Variants in RAD18 observed in about 807,000 individuals in gnomAD.
RAD18 encodes E3 ubiquitin-protein ligase RAD18.
In RAD18, 47 loss-of-function variants were observed where a neutral mutation model predicts 60.4. The ratio of observed to expected loss-of-function variants is 0.78; its 90% CI spans 0.62 to 0.99. The LOEUF (loss-of-function observed/expected upper bound fraction) is 0.99, where lower values mean the gene tolerates loss of function less well. Ranked by LOEUF, RAD18 falls within the 50% of genes least tolerant of loss-of-function variation. The pLI is 0.00. For missense variants in RAD18, 640 were observed against 593.3 expected, an observed-to-expected ratio of 1.08 and a Z score of -0.82; for synonymous variants, 225 against 195.5, an observed-to-expected ratio of 1.15 and a Z score of -1.26.
Position 8,945,468 on chromosome 3 carries a change from C to CT in RAD18, c.266+1751dup, listed in dbSNP as rs375744764. 4.1e-3 allele frequency among the ~76,000 whole-genome samples: 398 copies of CT among 96,376 alleles called. 13 individuals carry two copies. Among genetic ancestry groups the CT allele is most frequent in the African/African-American group, 0.012 (309 of 26,444 alleles). 63.2% of individuals were successfully genotyped at this position (96,376 alleles called of 152,430 possible). ...AGGCTAATGTGTGTGTTTCCATCTT[C>CT]TTTTTTTTTTTTTTTTTTTTTTGAG... On this transcript the variant is annotated intron_variant, in intron 4 of 12. Transcript: ENST00000264926.
rs548344766 is a variant in RAD18 at position 8,958,395 on chromosome 3, T to C, written c.133+525A>G. The stretch of plus-strand genomic sequence containing the variant: ...TTAAGGTACGATATTTTTAAATGCT[T>C]ATATACTAGACTCTTAAAGAGAAGT... On this transcript the variant is annotated intron_variant, in intron 2 of 12. Transcript: ENST00000264926. Among the ~76,000 whole-genome samples the C allele has an allele frequency of 2.6e-5, 4 of 152,368 alleles. No individual in the cohort carries two copies. In the South Asian group the frequency reaches 8.3e-4, roughly 32 times the overall value.
At chr3:8,949,034 T>C (rs1940885580) in intron 2 of RAD18, among the ~76,000 whole-genome samples, 1 of 152,206 alleles carries the variant, frequency 6.6e-6, no homozygotes, top group Admixed American at 6.5e-5. Context: ...TAACAAGCAC[T>C]TTTGTGGCAG....
intron 6 of RAD18, among the ~76,000 whole-genome samples, chr3:8,936,626 T>C (rs1407357480): frequency 1.3e-5 from 2 of 152,204 alleles, no homozygotes; most frequent in South Asian, 2.1e-4. Context: ...CTTGCTATCA[T>C]TTCAAAATAA....
chr3:8,902,271 A>T, intron 10 of RAD18, 109 bp downstream of exon 10: 1 of 1,058,910 alleles, frequency 9.4e-7, no homozygotes, highest in Non-Finnish European at 1.3e-6. Context: ...ACTTTTTCTC[A>T]TTTCAAAGAA....
chr3:8,936,183 G>C lies in RAD18; in HGVS notation c.705-128C>G, dbSNP rs1357235631. The C allele has an allele frequency of 6.5e-6, 6 of 924,706 alleles. No homozygotes were observed. In the East Asian group the frequency reaches 1.8e-4, roughly 27 times the overall value. The allele number at this position is 924,706 out of a possible 1,614,324, so 57.3% of individuals were successfully genotyped here. The stretch of plus-strand genomic sequence containing the variant: ...ATAGTAGAACCATTAGATTAAAAAG[G>C]GGAGAGAAAAATCAAGTTTGTGGAT... On this transcript the variant is annotated intron_variant, in intron 6 of 12. Coordinates refer to ENST00000264926, the MANE Select transcript of RAD18 (RefSeq NM_020165.4).
chr3:8,963,269 C>T, intron 1 of RAD18, 66 bp downstream of exon 1: 1 of 1,485,916 alleles, frequency 6.7e-7, no homozygotes, highest in Non-Finnish European at 9.2e-7. Context: ...CGAGGACATC[C>T]TCCTCAAAGG....
rs1940743345 is a variant in RAD18 at position 8,941,381 on chromosome 3, TC to T, written c.604+85del. On this transcript the variant is annotated intron_variant, in intron 5 of 12. Transcript: ENST00000264926. ...ATCTGGTTTGTCCTTTACCATTCCTTCCCCCTCAAAGATGCTGCCTATTTAT... is the reference window on the plus strand; with the variant it reads ...ATCTGGTTTGTCCTTTACCATTCCTTCCCCTCAAAGATGCTGCCTATTTAT... The T allele has an allele frequency of 2.5e-6, 3 of 1,189,356 alleles. No homozygotes were observed. The South Asian group carries it at 4.7e-5, about 19-fold the overall frequency. The allele number at this position is 1,189,356 out of a possible 1,614,324, so 73.7% of individuals were successfully genotyped here.
intron 10 of RAD18, among the ~76,000 whole-genome samples, chr3:8,901,579 G>A (rs1284625329): frequency 3.3e-5 from 5 of 152,152 alleles, no homozygotes; most frequent in South Asian, 2.1e-4. Context: ...CCATTTATAT[G>A]AGGTACCTGG....
chr3:8,944,782 C>CAT (rs1940813140), intron 4 of RAD18, among the ~76,000 whole-genome samples: 1 of 152,110 alleles, frequency 6.6e-6, no homozygotes, highest in African/African-American at 2.4e-5. Flanking sequence ...TTTGGGTAGA[C>CAT]ATGGGCAGCC....
rs1372703457 is a variant in RAD18 at position 8,881,442 on chromosome 3, G to A, written c.1403C>T (p.Thr468Ile). The change falls in exon 13 of 13, where the codon ACA (threonine) becomes ATA (isoleucine). Residue 468 changes from threonine to isoleucine, a missense_variant. By Grantham distance (89) the Thr-to-Ile change is moderately conservative. Coordinates refer to ENST00000264926, the MANE Select transcript of RAD18 (RefSeq NM_020165.4). ...EASHKNDLQD[T>I]EISPRQNRRT... ...GCGATTCTGTCTTGGACTTATTTCT[G>A]TGTCTTGAAGATCGTTTCTGAAGAC... 1 of 1,609,564 alleles carries A rather than the reference G, an allele frequency of 6.2e-7. No homozygotes were observed. The highest frequency in any genetic ancestry group is 1.1e-5 in the South Asian group (1 of 90,896).
At chr3:8,959,865 G>A (rs1488862910) in intron 1 of RAD18, among the ~76,000 whole-genome samples, 1 of 143,432 alleles carries the variant, frequency 7.0e-6, no homozygotes, top group Non-Finnish European at 1.5e-5. Flanking sequence ...CTGCATGACC[G>A]AGTGAAACTG....
At chr3:8,906,748 G>T (rs1940007683) in intron 9 of RAD18, among the ~76,000 whole-genome samples, 1 of 149,072 alleles carries the variant, frequency 6.7e-6, no homozygotes, top group Non-Finnish European at 1.5e-5. Flanking sequence ...TATTCCATCT[G>T]GGCTAATAGA....
chr3:8,924,572 T>A (rs1318372860), intron 7 of RAD18, among the ~76,000 whole-genome samples: 1 of 136,968 alleles, frequency 7.3e-6, no homozygotes, highest in Non-Finnish European at 1.6e-5. Context: ...CTAATAGACA[T>A]CTACAGAACT....
rs554328098 is a variant in RAD18, at chr3:8,902,531, A to G, written c.1028-11T>C. ...TCTTATGTTTTTTACCTGAAATTCAAAAGATCTTCTCAGTAAAGCTAGGAC... is the reference window on the plus strand; with the variant it reads ...TCTTATGTTTTTTACCTGAAATTCAGAAGATCTTCTCAGTAAAGCTAGGAC... On this transcript the variant is annotated splice_polypyrimidine_tract_variant and intron_variant, in intron 9 of 12. Transcript: ENST00000264926. 2 of 1,593,616 alleles carry G rather than the reference A, an allele frequency of 1.3e-6. No homozygotes were observed. Among genetic ancestry groups the G allele is most frequent in the South Asian group, 2.3e-5 (2 of 87,690 alleles).
intron 7 of RAD18, among the ~76,000 whole-genome samples, chr3:8,914,580 C>T (rs997056698): frequency 2.0e-5 from 3 of 152,078 alleles, no homozygotes; most frequent in Admixed American, 6.6e-5. Context: ...GACCTTATGA[C>T]GATCATTTAA....
intron 9 of RAD18, among the ~76,000 whole-genome samples, chr3:8,910,065 G>A (rs1321702135): frequency 6.6e-6 from 1 of 152,160 alleles, no homozygotes; most frequent in East Asian, 1.9e-4. Context: ...CAGAAAGTTG[G>A]TGACAAGAAA....
intron 11 of RAD18, among the ~76,000 whole-genome samples, chr3:8,893,339 T>C (rs1330457041): frequency 1.3e-5 from 2 of 152,212 alleles, no homozygotes; most frequent in Non-Finnish European, 2.9e-5. Flanking sequence ...ATTTCTTCCC[T>C]TAATTGTGGC....
At chr3:8,946,934 G>A (rs1940848518) in intron 4 of RAD18, 1 of 266,598 alleles carries the variant, frequency 3.8e-6, no homozygotes, top group Non-Finnish European at 7.0e-6. Flanking sequence ...TGATTCTAGG[G>A]CTTGGGCAGG....
At chr3:8,924,330 G>A (rs1300791021) in intron 7 of RAD18, among the ~76,000 whole-genome samples, 2 of 148,226 alleles carry the variant, frequency 1.3e-5, no homozygotes, top group Non-Finnish European at 1.5e-5. Context: ...ATTACATAAT[G>A]GTAAAGGGAT....
Sources: allele counts gnomAD v4.1 joint callset (sites outside exome capture counted in the v4.1 genomes callset), GRCh38; gene constraint gnomAD v4.1.1; transcripts MANE v1.5; gene names NCBI Gene and HGNC (gene_info 2026-07-23, HGNC 2026-07-21).